Variants in ITGAV observed in about 807,000 individuals in gnomAD.
ITGAV encodes the protein integrin alpha-V.
ITGAV carries 76 observed loss-of-function variants against 143.8 expected under a neutral mutation model. That is an observed-to-expected ratio of 0.53 (90% confidence interval 0.44 to 0.64). ITGAV has a LOEUF of 0.64. Among genes scored for constraint, ITGAV ranks in the 30% least tolerant of loss-of-function variants. The pLI, the probability that ITGAV is intolerant of heterozygous loss-of-function variation, is 0.00. For synonymous variants in ITGAV, 453 were observed against 446.7 expected (o/e 1.01, Z -0.18); for missense variants, 1,193 against 1,274.7 (o/e 0.94, Z 0.98).
At chr2:186,625,312 C>T (rs1162403525) in intron 3 of ITGAV, among the ~76,000 whole-genome samples, 161 bp from the exon 4 acceptor site, 1 of 152,106 alleles carries the variant, frequency 6.6e-6, no homozygotes, top group African/African-American at 2.4e-5. Context: ...TTCAAGGCTG[C>T]AGTGAGCCAT....
At chr2:186,663,601 GTGGCCAT>G (rs1239387529) in intron 18 of ITGAV, among the ~76,000 whole-genome samples, 160 bp from the exon 19 acceptor site, 1 of 152,022 alleles carries the variant, frequency 6.6e-6, no homozygotes, top group Non-Finnish European at 1.5e-5. Context: ...TTAAAAATAA[GTGGCCAT>G]GGTCTCTTTT....
chr2:186,639,368 C>G (rs1574483665), intron 10 of ITGAV, among the ~76,000 whole-genome samples: 1 of 152,174 alleles, frequency 6.6e-6, no homozygotes, highest in South Asian at 2.1e-4. Context: ...TGACTAGACT[C>G]ATGGTCCCCA....
At chr2:186,610,445 A>G (rs1003254100) in intron 2 of ITGAV, among the ~76,000 whole-genome samples, 29 of 152,218 alleles carry the variant, frequency 1.9e-4, no homozygotes, top group Admixed American at 1.9e-3. Context: ...TGCCTGATAG[A>G]ATGTATAAAC....
At chr2:186,632,981 C>CTAGATAGA (rs56050855) in intron 5 of ITGAV, among the ~76,000 whole-genome samples, 3 of 150,050 alleles carry the variant, frequency 2.0e-5, no homozygotes, top group African/African-American at 7.4e-5. Context: ...TTAATATATA[C>CTAGATAGA]TAGATAGATA....
At chr2:186,665,470 C>T (rs1274430434) in intron 21 of ITGAV, among the ~76,000 whole-genome samples, 4 of 152,162 alleles carry the variant, frequency 2.6e-5, no homozygotes, top group Non-Finnish European at 5.9e-5. Context: ...TGGATGAGAA[C>T]GTGGTTTAAA....
At position 186,663,849 on chromosome 2, in the gene ITGAV, G is replaced by A; in HGVS notation, c.1925+14G>A. The A allele has an allele frequency of 6.4e-7, 1 of 1,574,152 alleles. No homozygotes were observed. The highest frequency in any genetic ancestry group is 8.7e-7 in the Non-Finnish European group (1 of 1,144,668). On this transcript the variant is annotated intron_variant, in intron 19 of 29. Transcript: ENST00000261023. The stretch of plus-strand genomic sequence containing the variant: ...TTCTGTAGATAGGTAAGTTTTGCTT[G>A]AAATAATAATGTAGTAAGAAATTTA...
At chr2:186,632,687 T>C (rs1574479226) in intron 5 of ITGAV, among the ~76,000 whole-genome samples, 1 of 152,232 alleles carries the variant, frequency 6.6e-6, no homozygotes, top group South Asian at 2.1e-4. Flanking sequence ...TAAAAATATT[T>C]CCTTTAGCAG....
intron 2 of ITGAV, among the ~76,000 whole-genome samples, chr2:186,614,924 T>G (rs1687311256): frequency 6.6e-6 from 1 of 152,068 alleles, no homozygotes; most frequent in Admixed American, 6.5e-5. Context: ...TTTTACTATA[T>G]TTATAGAGTT....
chr2:186,626,703 A>G (rs1407420345), intron 4 of ITGAV, among the ~76,000 whole-genome samples: 2 of 152,184 alleles, frequency 1.3e-5, no homozygotes, highest in Non-Finnish European at 2.9e-5. Flanking sequence ...TATAAGTGGG[A>G]AGTGAACATT....
intron 2 of ITGAV, among the ~76,000 whole-genome samples, chr2:186,612,038 G>A (rs1390832784): frequency 2.0e-5 from 3 of 152,166 alleles, no homozygotes; most frequent in African/African-American, 7.2e-5. Flanking sequence ...TGTTTATGTT[G>A]TGCCCATACT....
chr2:186,602,166 A>G lies in ITGAV; in HGVS notation c.316+15A>G. The stretch of plus-strand genomic sequence containing the variant: ...TGATGCAACAGGTAAATTTTGATGC[A>G]CAATTTTCTTTTCATTGATTTCATT... On this transcript the variant is annotated intron_variant, in intron 2 of 29. Coordinates refer to ENST00000261023, the MANE Select transcript of ITGAV (RefSeq NM_002210.5). 6.3e-7 allele frequency: 1 copy of G among 1,595,710 alleles called. No homozygotes were observed. Among genetic ancestry groups the G allele is most frequent in the Non-Finnish European group, 8.5e-7 (1 of 1,173,326 alleles).
chr2:186,608,543 A>G (rs1170367563), intron 2 of ITGAV, among the ~76,000 whole-genome samples: 7 of 152,184 alleles, frequency 4.6e-5, no homozygotes, highest in Admixed American at 2.0e-4. Flanking sequence ...TTCACCTTTT[A>G]AGTCAGGTTC....
chr2:186,636,385 T>A (rs1284662090), intron 7 of ITGAV, among the ~76,000 whole-genome samples, 178 bp downstream of exon 7: 1 of 152,214 alleles, frequency 6.6e-6, no homozygotes. Flanking sequence ...GTTTCAGTAA[T>A]TGAAATTGAA....
At position 186,601,576 on chromosome 2, in the gene ITGAV, AT is replaced by A. The variant is rs983298505; in HGVS notation, c.186-434del. Among the ~76,000 whole-genome samples, 720 of 147,790 alleles carry A rather than the reference AT, an allele frequency of 4.9e-3. 2 individuals carry two copies. Among genetic ancestry groups the A allele is most frequent in the African/African-American group, 0.015 (592 of 40,174 alleles). On this transcript the variant is annotated intron_variant, in intron 1 of 29. Transcript: ENST00000261023. ...TACTTTGGAATAATTTACTTAGAAT[AT>A]TTTTTTTTTTGCTCAACATTCAGAA...
At chr2:186,665,039 C>T (rs1230364742) in intron 20 of ITGAV, 87 bp from the exon 21 acceptor site, 1 of 867,738 alleles carries the variant, frequency 1.2e-6, no homozygotes, top group Non-Finnish European at 1.8e-6. Flanking sequence ...GATTTATTTG[C>T]TTAGGACAAG....
intron 3 of ITGAV, among the ~76,000 whole-genome samples, chr2:186,625,213 A>C (rs1018808997): frequency 6.6e-6 from 1 of 151,986 alleles, no homozygotes; most frequent in African/African-American, 2.4e-5. Context: ...TTTCTATAAA[A>C]AAATTTTTAA....
intron 26 of ITGAV, among the ~76,000 whole-genome samples, chr2:186,671,235 C>T (rs1055765361): frequency 3.3e-5 from 5 of 152,102 alleles, no homozygotes; most frequent in African/African-American, 1.2e-4. Context: ...ACTCCAGTGC[C>T]TTCCCATCTA....
intron 16 of ITGAV, 100 bp downstream of exon 16, chr2:186,654,808 A>G: frequency 1.8e-6 from 1 of 563,864 alleles, no homozygotes; most frequent in Non-Finnish European, 3.2e-6. Context: ...AATTGTTATT[A>G]TAATTTTTTA....
At chr2:186,600,891 G>A (rs1686883743) in intron 1 of ITGAV, among the ~76,000 whole-genome samples, 1 of 151,824 alleles carries the variant, frequency 6.6e-6, no homozygotes. Flanking sequence ...CTGGGGAGGT[G>A]GAGGATACAG....
Sources: allele counts gnomAD v4.1 joint callset (sites outside exome capture counted in the v4.1 genomes callset), GRCh38; gene constraint gnomAD v4.1.1; transcripts MANE v1.5; gene names NCBI Gene and HGNC (gene_info 2026-07-23, HGNC 2026-07-21).